Variants in SPG11 observed in about 807,000 individuals in gnomAD.
The protein encoded by SPG11 is spatacsin.
Under a neutral mutation model 274.0 loss-of-function variants are expected in SPG11, and 222 were observed. The observed-to-expected ratio is 0.81, with a 90% confidence interval of 0.73 to 0.91. The LOEUF (loss-of-function observed/expected upper bound fraction) is 0.91. Ranked by LOEUF, SPG11 falls within the 40% of genes least tolerant of loss-of-function variation. The pLI, the probability that SPG11 is intolerant of heterozygous loss-of-function variation, is 0.00. For synonymous variants in SPG11, 1,144 were observed against 1,039.7 expected, an observed-to-expected ratio of 1.10 and a Z score of -1.93; for missense variants, 3,114 against 2,872.7, an observed-to-expected ratio of 1.08 and a Z score of -1.92.
intron 19 of SPG11, among the ~76,000 whole-genome samples, chr15:44,606,702 CAA>C (rs2083328929): frequency 6.6e-6 from 1 of 151,804 alleles, no homozygotes; most frequent in African/African-American, 2.4e-5. Context: ...AAAAACAGAA[CAA>C]AAAAAGTCAG....
At chr15:44,600,441 G>C in intron 21 of SPG11, 26 bp downstream of exon 21, 1 of 1,613,406 alleles carries the variant, frequency 6.2e-7, no homozygotes. Context: ...ACTGTACCCA[G>C]ACAAAATTAT....
intron 10 of SPG11, 33 bp from the exon 11 acceptor site, chr15:44,626,540 C>A (rs940360053): frequency 4.4e-6 from 7 of 1,604,250 alleles, no homozygotes; most frequent in Non-Finnish European, 6.0e-6. Context: ...CTTTTAAGTT[C>A]TTTTTCATTT....
At chr15:44,573,331 C>A in intron 32 of SPG11, 1 of 641,980 alleles carries the variant, frequency 1.6e-6, no homozygotes, top group South Asian at 1.9e-5. Context: ...CCAGTGTAAT[C>A]ATAAAACAAT....
intron 24 of SPG11, 131 bp downstream of exon 24, chr15:44,596,653 T>A: frequency 1.3e-6 from 1 of 769,330 alleles, no homozygotes; most frequent in Middle Eastern, 4.2e-4. Flanking sequence ...CCAGTACGTA[T>A]CCTGGTCAAA....
intron 4 of SPG11, among the ~76,000 whole-genome samples, chr15:44,655,750 C>A (rs1015686470): frequency 1.3e-5 from 2 of 152,072 alleles, no homozygotes; most frequent in Non-Finnish European, 2.9e-5. Context: ...GCATTTTGAT[C>A]GTGCAGGGGG....
At position 44,565,846 on chromosome 15, in the gene SPG11, T is replaced by G; in HGVS notation, c.6999+8A>C. 1 of 1,614,078 alleles carries G rather than the reference T, an allele frequency of 6.2e-7. No individual in the cohort carries two copies. The highest frequency in any genetic ancestry group is 8.5e-7 in the Non-Finnish European group (1 of 1,180,018). The stretch of plus-strand genomic sequence containing the variant: ...GCAGTGCTGGCTACAGTTTGCTTTC[T>G]TGCTCACCTGGTAGAACCGAGGTAG... On this transcript the variant is annotated splice_region_variant and intron_variant, in intron 38 of 39. Coordinates refer to ENST00000261866, the MANE Select transcript of SPG11 (RefSeq NM_025137.4).
chr15:44,653,051 C>T (rs956445281), intron 4 of SPG11, among the ~76,000 whole-genome samples: 4 of 151,990 alleles, frequency 2.6e-5, no homozygotes, highest in African/African-American at 9.7e-5. Flanking sequence ...GAAAAGGGGG[C>T]TGTTACATTT....
intron 2 of SPG11, among the ~76,000 whole-genome samples, chr15:44,660,042 C>T (rs2085059154): frequency 6.6e-6 from 1 of 151,966 alleles, no homozygotes; most frequent in South Asian, 2.1e-4. Flanking sequence ...GCCTGGGTGA[C>T]AGAGCGAGAC....
At chr15:44,652,096 A>C in intron 5 of SPG11, 33 bp downstream of exon 5, 2 of 1,613,626 alleles carry the variant, frequency 1.2e-6, no homozygotes, top group Non-Finnish European at 1.7e-6. Context: ...AAAAATAAGA[A>C]CAATAAACTA....
intron 16 of SPG11, among the ~76,000 whole-genome samples, chr15:44,615,149 C>T (rs2083560754): frequency 1.3e-5 from 2 of 152,152 alleles, no homozygotes; most frequent in South Asian, 2.1e-4. Flanking sequence ...AGAGATACTA[C>T]AGAATTAATT....
chr15:44,629,316 C>T lies in SPG11; in HGVS notation c.1808G>A (p.Ser603Asn), dbSNP rs2083991727. 1 of 1,614,102 alleles carries T rather than the reference C, an allele frequency of 6.2e-7. No homozygotes were observed. Among genetic ancestry groups the T allele is most frequent in the South Asian group, 1.1e-5 (1 of 91,078 alleles). The part of the protein sequence containing the change: ...AIRESYSEPQ[S>N]KHFSEQLLNL... Reference sequence around the variant, plus strand: ...AAGCAATTGTTCTGAAAAGTGTTTGCTTTGGGGTTCAGAATAACTTTCTCT... The same window carrying T: ...AAGCAATTGTTCTGAAAAGTGTTTGTTTTGGGGTTCAGAATAACTTTCTCT... The change falls in exon 9 of 40, where the codon AGC becomes AAC. Residue 603 changes from serine to asparagine, a missense_variant. Ser to Asn is a conservative substitution (Grantham distance 46, BLOSUM62 1). Coordinates refer to ENST00000261866, the MANE Select transcript of SPG11 (RefSeq NM_025137.4).
chr15:44,631,895 A>G (rs746022378), intron 8 of SPG11, among the ~76,000 whole-genome samples: 6 of 148,664 alleles, frequency 4.0e-5, no homozygotes, highest in Non-Finnish European at 5.9e-5. Context: ...TGCAGCCTCA[A>G]CCTCCCAGGC....
Position 44,615,483 on chromosome 15 carries a change from T to G in SPG11, c.2918A>C (p.Asp973Ala). ...RLSRIGGVIQ[D>A]TLPVQNYKTK... Reference sequence around the variant, plus strand: ...CTTGTAGTTTTGAACAGGGAGGGTATCCTGTATTACACCTCCAATACGGCT... The same window carrying G: ...CTTGTAGTTTTGAACAGGGAGGGTAGCCTGTATTACACCTCCAATACGGCT... Residue 973 changes from aspartate (D) to alanine (A), a missense_variant, in exon 16 of 40, where the codon GAT (aspartate) becomes GCT (alanine). By Grantham distance (126) the Asp-to-Ala change is moderately radical. Transcript: ENST00000261866. 1 of 1,613,802 alleles carries G rather than the reference T, an allele frequency of 6.2e-7. No individual in the cohort carries two copies. The highest frequency in any genetic ancestry group is 1.1e-5 in the South Asian group (1 of 91,082).
intron 30 of SPG11, among the ~76,000 whole-genome samples, chr15:44,578,102 A>ACAAGCT (rs2082581864): frequency 7.2e-6 from 1 of 139,200 alleles, no homozygotes; most frequent in African/African-American, 2.7e-5. Context: ...TCGGCTCACT[A>ACAAGCT]CAAGCTCCAC....
chr15:44,615,764 G>A (rs2083578887), intron 15 of SPG11, among the ~76,000 whole-genome samples, 198 bp from the exon 16 acceptor site: 1 of 152,052 alleles, frequency 6.6e-6, no homozygotes, highest in South Asian at 2.1e-4. Context: ...AGTATTTAAA[G>A]GTAGCAACGA....
intron 8 of SPG11, among the ~76,000 whole-genome samples, chr15:44,629,942 G>A (rs1347613512): frequency 6.6e-6 from 1 of 152,180 alleles, no homozygotes; most frequent in African/African-American, 2.4e-5. Flanking sequence ...GTGCTGGCAG[G>A]TGCCTGTAAT....
At chr15:44,583,029 A>G (rs1405849445) in intron 30 of SPG11, among the ~76,000 whole-genome samples, 1 of 152,214 alleles carries the variant, frequency 6.6e-6, no homozygotes, top group Non-Finnish European at 1.5e-5. Context: ...AGTGCAATAA[A>G]GCAAGAACAA....
At chr15:44,628,610 T>G (rs773451489) in intron 10 of SPG11, 59 bp downstream of exon 10, 646 of 1,457,850 alleles carry the variant, frequency 4.4e-4, no homozygotes, top group Non-Finnish European at 5.9e-4. Context: ...TTCTTTCTAT[T>G]GTTTTCTCAG....
Position 44,565,976 on chromosome 15 carries a change from G to C in SPG11, c.6877C>G (p.Arg2293Gly). 1 of 1,613,814 alleles carries C rather than the reference G, an allele frequency of 6.2e-7. No individual in the cohort carries two copies. The highest frequency in any genetic ancestry group is 8.5e-7 in the Non-Finnish European group (1 of 1,180,024). ...SCVRQAQHCQ[R>G]LTKLITLQIH... ...TGCAGAGTTATCAACTTGGTGAGCC[G>C]CTGACAGTGCTGGGCCTGTCGCACA... Residue 2293 changes from arginine (R) to glycine (G), a missense_variant, in exon 38 of 40, where the codon CGG becomes GGG. By Grantham distance (125) the Arg-to-Gly change is moderately radical. Coordinates refer to ENST00000261866, the MANE Select transcript of SPG11 (RefSeq NM_025137.4).
Sources: gnomAD v4.1 joint callset for allele counts (sites outside exome capture counted in the v4.1 genomes callset) on GRCh38, gnomAD v4.1.1 for gene constraint, MANE v1.5 for transcripts, NCBI Gene and HGNC (gene_info 2026-07-23, HGNC 2026-07-21) for gene names.